NSMCE2: variants seen among roughly 807,000 people sequenced by gnomAD.
NSMCE2 encodes E3 SUMO-protein ligase NSE2.
NSMCE2 carries 24 observed loss-of-function variants against 23.8 expected under a neutral mutation model. That is an observed-to-expected ratio of 1.01 (90% CI 0.73 to 1.42). The LOEUF (loss-of-function observed/expected upper bound fraction) is 1.42. NSMCE2 is among the 40% of genes most tolerant of loss of function. The probability of loss-of-function intolerance (pLI) is 0.00; values close to 1 mark genes in which losing one functional copy is unlikely to be tolerated. For missense variants in NSMCE2, 284 were observed against 296.5 expected (o/e 0.96, Z 0.31); for synonymous variants, 92 against 94.1 (o/e 0.98, Z 0.13).
intron 5 of NSMCE2, among the ~76,000 whole-genome samples, chr8:125,207,678 G>T (rs1222992483): frequency 6.6e-6 from 1 of 152,174 alleles, no homozygotes; most frequent in Non-Finnish European, 1.5e-5. Flanking sequence ...TGACTATTTG[G>T]CTTTGTCATT....
At chr8:125,143,936 GA>G (rs1336785116) in intron 3 of NSMCE2, among the ~76,000 whole-genome samples, 1 of 152,150 alleles carries the variant, frequency 6.6e-6, no homozygotes, top group Non-Finnish European at 1.5e-5. Context: ...GAGGATTCTG[GA>G]AAAGGACCTT....
At chr8:125,270,161 A>T (rs2131082283) in intron 5 of NSMCE2, among the ~76,000 whole-genome samples, 1 of 152,274 alleles carries the variant, frequency 6.6e-6, no homozygotes, top group East Asian at 1.9e-4. Flanking sequence ...ACATCCTTAT[A>T]TGACTTACTA....
rs140779336 is a variant in NSMCE2, at chr8:125,286,127, C to G, written c.419-71092C>G. On this transcript the variant is annotated intron_variant, in intron 5 of 7. Coordinates refer to ENST00000287437, the MANE Select transcript of NSMCE2 (RefSeq NM_173685.4). ...TACCTTCAGGGCCCCTTCTCAGGAT[C>G]ACAAGACTACCAGAAAATCAATAGG... 2.2e-3 allele frequency among the ~76,000 whole-genome samples: 333 copies of G among 151,966 alleles called. 1 individual carries two copies. The highest frequency in any genetic ancestry group is 7.3e-3 in the African/African-American group (304 of 41,434).
At chr8:125,109,331 A>C (rs1818619763) in intron 3 of NSMCE2, among the ~76,000 whole-genome samples, 1 of 152,226 alleles carries the variant, frequency 6.6e-6, no homozygotes, top group Admixed American at 6.5e-5. Context: ...GTAAGTGCTC[A>C]GTAATTGTTA....
At chr8:125,113,054 A>C (rs998721212) in intron 3 of NSMCE2, among the ~76,000 whole-genome samples, 2 of 102,114 alleles carry the variant, frequency 2.0e-5, no homozygotes, top group African/African-American at 1.2e-4. Context: ...TATTAACAGA[A>C]AATGGGGGGG....
At chr8:125,170,170 C>T (rs1165814261) in intron 4 of NSMCE2, among the ~76,000 whole-genome samples, 2 of 152,026 alleles carry the variant, frequency 1.3e-5, no homozygotes, top group African/African-American at 4.8e-5. Flanking sequence ...CACTTTATTT[C>T]ATTCTCATAG....
intron 5 of NSMCE2, among the ~76,000 whole-genome samples, chr8:125,286,283 T>C (rs979899396): frequency 3.9e-5 from 6 of 152,030 alleles, no homozygotes; most frequent in African/African-American, 1.5e-4. Flanking sequence ...ATTTGCCCAA[T>C]ATTCAGAGAC....
chr8:125,204,346 G>A (rs7837996), intron 5 of NSMCE2, among the ~76,000 whole-genome samples: 14,207 of 152,158 alleles, frequency 0.093, 837 homozygotes, highest in South Asian at 0.17. Flanking sequence ...TGCCCAGTTT[G>A]ACCATTGGGT....
At chr8:125,246,033 A>G (rs1825948268) in intron 5 of NSMCE2, among the ~76,000 whole-genome samples, 1 of 152,114 alleles carries the variant, frequency 6.6e-6, no homozygotes, top group South Asian at 2.1e-4. Context: ...CAAAGAAAAT[A>G]TGAAATTAGG....
chr8:125,125,192 C>G (rs1030539782), intron 3 of NSMCE2, among the ~76,000 whole-genome samples: 1 of 151,974 alleles, frequency 6.6e-6, no homozygotes, highest in Non-Finnish European at 1.5e-5. Context: ...TAATTGTCCT[C>G]GATAGAACCT....
chr8:125,123,307 C>T (rs560529810), intron 3 of NSMCE2, among the ~76,000 whole-genome samples: 46 of 152,306 alleles, frequency 3.0e-4, no homozygotes, highest in African/African-American at 1.1e-3. Context: ...TTTCCAAAAG[C>T]CCTTTACATT....
At chr8:125,257,384 G>A (rs936988716) in intron 5 of NSMCE2, among the ~76,000 whole-genome samples, 11 of 152,010 alleles carry the variant, frequency 7.2e-5, no homozygotes, top group Non-Finnish European at 1.5e-4. Context: ...AGAAGGAGGA[G>A]TCATCTCAGA....
intron 7 of NSMCE2, among the ~76,000 whole-genome samples, chr8:125,363,810 C>T (rs1031148644): frequency 4.6e-5 from 7 of 152,102 alleles, no homozygotes; most frequent in African/African-American, 1.7e-4. Flanking sequence ...CCAGCCTTGC[C>T]CTAATGCAAA....
At chr8:125,232,134 G>A (rs949293890) in intron 5 of NSMCE2, among the ~76,000 whole-genome samples, 3 of 152,112 alleles carry the variant, frequency 2.0e-5, no homozygotes, top group Non-Finnish European at 4.4e-5. Context: ...GGCTGAGGCC[G>A]GTGGATCACC....
At position 125,147,012 on chromosome 8, in the gene NSMCE2, A is replaced by G. The variant is rs1015211015; in HGVS notation, c.158-4159A>G. On this transcript the variant is annotated intron_variant, in intron 3 of 7. Transcript: ENST00000287437. The stretch of plus-strand genomic sequence containing the variant: ...CCTAATTGTTAGCTACAGCTATTAT[A>G]TATACATATATAATCATTGTCATTA... Among the ~76,000 whole-genome samples the G allele has an allele frequency of 1.2e-4, 18 of 152,280 alleles. No individual in the cohort carries two copies. The East Asian group carries it at 3.1e-3, about 26-fold the overall frequency.
chr8:125,164,761 A>C (rs1455758630), intron 4 of NSMCE2, among the ~76,000 whole-genome samples: 1 of 152,120 alleles, frequency 6.6e-6, no homozygotes, highest in Admixed American at 6.5e-5. Flanking sequence ...AATGAAATAA[A>C]CTTTTTTCTA....
At chr8:125,303,877 T>A (rs1161413915) in intron 5 of NSMCE2, among the ~76,000 whole-genome samples, 3 of 152,242 alleles carry the variant, frequency 2.0e-5, no homozygotes, top group East Asian at 1.9e-4. Context: ...ATACATTGTT[T>A]GTATAACGTG....
chr8:125,275,298 G>A (rs12679602), intron 5 of NSMCE2, among the ~76,000 whole-genome samples: 10,188 of 151,988 alleles, frequency 0.067, 530 homozygotes, highest in South Asian at 0.18. Context: ...ACTTCATCCC[G>A]TCTTCTAGCC....
At chr8:125,169,654 C>T (rs1487655778) in intron 4 of NSMCE2, among the ~76,000 whole-genome samples, 1 of 152,206 alleles carries the variant, frequency 6.6e-6, no homozygotes, top group Non-Finnish European at 1.5e-5. Context: ...CTTGGGCACA[C>T]TGGCTGCACA....
Sources: gnomAD v4.1 joint callset for allele counts (sites outside exome capture counted in the v4.1 genomes callset) on GRCh38, gnomAD v4.1.1 for gene constraint, MANE v1.5 for transcripts, NCBI Gene and HGNC (gene_info 2026-07-23, HGNC 2026-07-21) for gene names.